The following CXADR variants were observed in gnomAD, a reference collection of about 807,000 sequenced individuals.
The protein encoded by CXADR is coxsackievirus and adenovirus receptor.
Under a neutral mutation model 40.3 loss-of-function variants are expected in CXADR, and 20 were observed. That is an observed-to-expected ratio of 0.50 (90% CI 0.35 to 0.72). The LOEUF (loss-of-function observed/expected upper bound fraction) is 0.72. CXADR is among the 30% of genes least tolerant of loss of function. CXADR has a pLI of 0.01. For synonymous variants in CXADR, 150 were observed against 161.3 expected (o/e 0.93, Z 0.53); for missense variants, 332 against 449.1 (o/e 0.74, Z 2.36).
chr21:17,590,120 T>A (rs1245772899), intron 7 of CXADR, among the ~76,000 whole-genome samples: 24 of 152,028 alleles, frequency 1.6e-4, no homozygotes, highest in Admixed American at 1.6e-3. Context: ...AGCCATGGCA[T>A]TGCTGTCTAA....
chr21:17,609,169 T>A, the CXADR span: 1 of 1,596,336 alleles, frequency 6.3e-7, no homozygotes, highest in Non-Finnish European at 8.5e-7. Flanking sequence ...AGATAAAACA[T>A]GTTTTCTCAG....
intron 7 of CXADR, among the ~76,000 whole-genome samples, chr21:17,577,689 A>G (rs1437703749): frequency 6.8e-6 from 1 of 147,796 alleles, no homozygotes; most frequent in Non-Finnish European, 1.5e-5. Flanking sequence ...CTTGGTAAGG[A>G]AAAAAAGTGA....
At chr21:17,546,893 G>C in intron 1 of CXADR, 134 bp from the exon 2 acceptor site, 1 of 951,718 alleles carries the variant, frequency 1.1e-6, no homozygotes, top group Non-Finnish European at 1.6e-6. Context: ...CTTGAGTTTG[G>C]ACTCCATTCC....
At chr21:17,531,100 C>T (rs1054369426) in intron 1 of CXADR, among the ~76,000 whole-genome samples, 3 of 152,026 alleles carry the variant, frequency 2.0e-5, no homozygotes, top group African/African-American at 7.2e-5. Context: ...GAGTTCAAGA[C>T]CAGACTGGCC....
In CXADR at chr21:17,560,812, A is replaced by C. The variant is rs781672295; in HGVS notation, c.682A>C (p.Asn228His). 7 of 1,613,652 alleles carry C rather than the reference A, an allele frequency of 4.3e-6. No individual in the cohort carries two copies. The highest frequency in any genetic ancestry group is 5.9e-6 in the Non-Finnish European group (7 of 1,179,756). ...CTCTGATCAGTGCCTGTTGCGTCTA[A>C]ACGTTGTCCCTCGTAAGTTATCTTC... ...VGSDQCLLRL[N>H]VVPPSNKAGL... Residue 228 changes from asparagine to histidine, a missense_variant, in exon 5 of 7, where the codon AAC becomes CAC. This residue lies in a region of CXADR where 150 missense variants were observed against 194.2 expected (regional missense o/e 0.77). Coordinates refer to ENST00000284878, the MANE Select transcript of CXADR (RefSeq NM_001338.5).
At chr21:17,608,796 TC>T in the CXADR span, 6 of 583,802 alleles carry the variant, frequency 1.0e-5, no homozygotes, top group Non-Finnish European at 1.6e-5. Flanking sequence ...ACTCCACCAC[TC>T]CGCCAACAAA....
At chr21:17,623,728 T>C in the CXADR span, among the ~76,000 whole-genome samples, 1 of 152,200 alleles carries the variant, frequency 6.6e-6, no homozygotes, top group Non-Finnish European at 1.5e-5. Context: ...GCCACTCCTC[T>C]TTGTTATCTC....
At chr21:17,598,645 A>G in the CXADR span, 2 of 1,614,140 alleles carry the variant, frequency 1.2e-6, no homozygotes, top group East Asian at 2.2e-5. Context: ...GGCTGCAGTC[A>G]CCGAACTGGG....
At chr21:17,520,415 G>T (rs1266730330) in intron 1 of CXADR, among the ~76,000 whole-genome samples, 2 of 152,168 alleles carry the variant, frequency 1.3e-5, no homozygotes, top group Admixed American at 6.5e-5. Context: ...GGTGGGGCTT[G>T]TGAGTTTGCA....
intron 1 of CXADR, among the ~76,000 whole-genome samples, chr21:17,523,673 AAATT>A (rs1219022851): frequency 6.6e-6 from 1 of 152,118 alleles, no homozygotes; most frequent in Non-Finnish European, 1.5e-5. Context: ...TTATTAAATT[AAATT>A]AATTATTAAA....
intron 2 of CXADR, among the ~76,000 whole-genome samples, chr21:17,551,331 T>C (rs57997595): frequency 0.053 from 7,797 of 147,474 alleles, 652 homozygotes; most frequent in African/African-American, 0.18. Flanking sequence ...ACCCGGGAGG[T>C]GGAGGGAGCC....
chr21:17,581,055 A>G (rs781579784), intron 7 of CXADR, among the ~76,000 whole-genome samples: 18 of 152,218 alleles, frequency 1.2e-4, no homozygotes, highest in Non-Finnish European at 2.1e-4. Context: ...TAGGTCACAA[A>G]CTTGTTTTTA....
chr21:17,579,290 CTTTTT>C (rs60312076), intron 7 of CXADR, among the ~76,000 whole-genome samples: 3 of 108,340 alleles, frequency 2.8e-5, no homozygotes, highest in African/African-American at 7.1e-5. Flanking sequence ...CTTCTCTTTT[CTTTTT>C]TTTTTTTGAG....
chr21:17,513,112 C>T lies in CXADR; in HGVS notation c.-18C>T. The T allele has an allele frequency of 7.4e-7, 1 of 1,350,038 alleles. No individual in the cohort carries two copies. Among genetic ancestry groups the T allele is most frequent in the Non-Finnish European group, 9.5e-7 (1 of 1,048,274 alleles). 83.6% of individuals were successfully genotyped at this position (1,350,038 alleles called of 1,614,324 possible). A position where few individuals can be genotyped will look rare whatever the true frequency, so the allele number is the denominator to read the frequency against. On this transcript the variant is annotated 5_prime_UTR_variant, in exon 1 of 7. Transcript: ENST00000284878. ...GAGCCGCCTACCTGCAGCCGCCGCC[C>T]ACGGCACGGCAGCCACCATGGCGCT...
chr21:17,549,992 G>A (rs922206145), intron 2 of CXADR, among the ~76,000 whole-genome samples: 4 of 152,130 alleles, frequency 2.6e-5, no homozygotes, highest in African/African-American at 7.2e-5. Flanking sequence ...CTGTGGACCC[G>A]TCAACTACTT....
At chr21:17,591,053 CT>C (rs1276897774) in intron 7 of CXADR, among the ~76,000 whole-genome samples, 1 of 151,706 alleles carries the variant, frequency 6.6e-6, no homozygotes, top group East Asian at 2.0e-4. Context: ...GCACTGGTTC[CT>C]TTTTTTAAAA....
At chr21:17,575,041 ATACATACATAAG>A (rs1353051165), downstream of CXADR, among the ~76,000 whole-genome samples, 1 of 146,036 alleles carries the variant, frequency 6.8e-6, no homozygotes, top group Non-Finnish European at 1.5e-5. Flanking sequence ...ACATACATAC[ATACATACATAAG>A]GGTTGATATT....
At chr21:17,538,034 C>T (rs1186378554) in intron 1 of CXADR, among the ~76,000 whole-genome samples, 2 of 151,586 alleles carry the variant, frequency 1.3e-5, no homozygotes, top group Admixed American at 1.3e-4. Flanking sequence ...TGGAGTCTCT[C>T]TCTGTTGCCC....
intron 1 of CXADR, among the ~76,000 whole-genome samples, chr21:17,528,310 G>A (rs898203481): frequency 2.6e-5 from 4 of 151,820 alleles, no homozygotes; most frequent in South Asian, 4.2e-4. Context: ...TCCTGACCTC[G>A]TGATTCGCCT....
Sources: gnomAD v4.1 joint callset for allele counts (sites outside exome capture counted in the v4.1 genomes callset) on GRCh38, gnomAD v4.1.1 for gene constraint, gnomAD v4.1.1 regional missense constraint, MANE v1.5 for transcripts, NCBI Gene and HGNC (gene_info 2026-07-23, HGNC 2026-07-21) for gene names.